The following USP13 variants were observed in gnomAD, a reference collection of about 807,000 sequenced individuals.
USP13 encodes ubiquitin specific peptidase 13.
Under a neutral mutation model 107.8 loss-of-function variants are expected in USP13, and 68 were observed. That is an observed-to-expected ratio of 0.63 (90% CI 0.52 to 0.77). The LOEUF is 0.77. Ranked by LOEUF, USP13 falls within the 30% of genes least tolerant of loss-of-function variation. USP13 has a pLI of 0.00. For synonymous variants in USP13, 377 were observed against 389.5 expected (o/e 0.97, Z 0.38); for missense variants, 945 against 1,093.3 (o/e 0.86, Z 1.91).
chr3:179,653,425 G>A lies in USP13; in HGVS notation c.168+32G>A, dbSNP rs1206285814. On this transcript the variant is annotated intron_variant, in intron 1 of 20. Transcript: ENST00000263966. The surrounding 1 kb of genome is among the most constrained non-coding windows in gnomAD (Gnocchi z 4.0). Reference sequence around the variant, plus strand: ...GAGGCGCCTCGGGGGAGGGTCGCGGGGCCGGCGGCCTGCGGCACGTGAAGC... The same window carrying A: ...GAGGCGCCTCGGGGGAGGGTCGCGGAGCCGGCGGCCTGCGGCACGTGAAGC... The A allele has an allele frequency of 6.5e-7, 1 of 1,538,330 alleles. No individual in the cohort carries two copies. Among genetic ancestry groups the A allele is most frequent in the Non-Finnish European group, 8.8e-7 (1 of 1,138,968 alleles).
chr3:179,752,650 A>G lies in USP13; in HGVS notation c.1798+277A>G, dbSNP rs141212076. Among the ~76,000 whole-genome samples the G allele has an allele frequency of 3.9e-3, 597 of 152,358 alleles. 3 individuals are homozygous for G. Among genetic ancestry groups the G allele is most frequent in the Non-Finnish European group, 6.8e-3 (461 of 68,034 alleles). ...AAATAAACAGTGCTTTCCAAACTTT[A>G]ATGTGCATATGAATTATCTGGGATC... On this transcript the variant is annotated intron_variant, in intron 14 of 20. Transcript: ENST00000263966.
intron 10 of USP13, among the ~76,000 whole-genome samples, chr3:179,731,278 G>A (rs1045138171): frequency 1.5e-4 from 23 of 152,210 alleles, no homozygotes; most frequent in Admixed American, 1.5e-3. Flanking sequence ...GGGCGTGGTG[G>A]TGCACGCCTG....
intron 19 of USP13, among the ~76,000 whole-genome samples, chr3:179,773,633 CAT>C (rs1715407140): frequency 6.6e-6 from 1 of 152,044 alleles, no homozygotes; most frequent in Non-Finnish European, 1.5e-5. Flanking sequence ...TTAAAAAACT[CAT>C]TAATTAATGA....
intron 14 of USP13, among the ~76,000 whole-genome samples, chr3:179,753,980 C>A (rs1238673507): frequency 6.6e-6 from 1 of 152,128 alleles, no homozygotes; most frequent in East Asian, 1.9e-4. Flanking sequence ...TTCTTTAAAA[C>A]TTCATTATTT....
At chr3:179,779,576 G>A (rs1324734657) in intron 19 of USP13, among the ~76,000 whole-genome samples, 1 of 151,916 alleles carries the variant, frequency 6.6e-6, no homozygotes, top group Non-Finnish European at 1.5e-5. Flanking sequence ...AGCCAGAAAG[G>A]CAGCTGCGCC....
chr3:179,724,905 A>C (rs1441407410), intron 8 of USP13, among the ~76,000 whole-genome samples: 4 of 152,186 alleles, frequency 2.6e-5, no homozygotes, highest in African/African-American at 9.7e-5. Flanking sequence ...GTACCAGCAA[A>C]GTGAACTTTT....
intron 6 of USP13, among the ~76,000 whole-genome samples, chr3:179,712,978 A>T (rs1376524030): frequency 6.6e-6 from 1 of 151,898 alleles, no homozygotes; most frequent in Admixed American, 6.6e-5. Context: ...CTTTTTTGTG[A>T]ATTTCTTAGG....
At chr3:179,715,327 C>T (rs968796923) in intron 6 of USP13, among the ~76,000 whole-genome samples, 5 of 151,560 alleles carry the variant, frequency 3.3e-5, no homozygotes, top group Admixed American at 2.6e-4. Context: ...TAAAGAGATC[C>T]TACATGCTGG....
Position 179,780,341 on chromosome 3 carries a change from C to T in USP13, c.2414-1398C>T, listed in dbSNP as rs189232090. The stretch of plus-strand genomic sequence containing the variant: ...TCATATATAGAAAGTCCAGAGGAAT[C>T]GACTAAAAAATGATTAGAACTAACA... On this transcript the variant is annotated intron_variant, in intron 19 of 20. Transcript: ENST00000263966. 5.9e-5 allele frequency among the ~76,000 whole-genome samples: 9 copies of T among 152,084 alleles called. No individual in the cohort carries two copies. In the East Asian group the frequency reaches 1.5e-3, roughly 26 times the overall value.
intron 13 of USP13, among the ~76,000 whole-genome samples, chr3:179,746,785 G>A (rs1714426585): frequency 6.6e-6 from 1 of 151,610 alleles, no homozygotes; most frequent in Admixed American, 6.6e-5. Flanking sequence ...GGCTGATCTG[G>A]AACTCCTGAC....
At chr3:179,713,373 T>C (rs1344179521) in intron 6 of USP13, among the ~76,000 whole-genome samples, 13 of 152,264 alleles carry the variant, frequency 8.5e-5, no homozygotes, top group Admixed American at 8.5e-4. Flanking sequence ...TCTATTTTGG[T>C]TTCCTTTAAA....
rs751723833 is a variant in USP13 at position 179,742,823 on chromosome 3, AG to A, written c.1534+476del. 1.1e-4 allele frequency among the ~76,000 whole-genome samples: 17 copies of A among 152,320 alleles called. No individual in the cohort carries two copies. The highest frequency in any genetic ancestry group is 2.5e-4 in the Non-Finnish European group (17 of 68,030). On this transcript the variant is annotated intron_variant, in intron 12 of 20. Transcript: ENST00000263966. The surrounding 1 kb of genome is among the most constrained non-coding windows in gnomAD (Gnocchi z 5.0). ...CCTCTTCTGGGAGATAAATTGTGTC[AG>A]GGTTCTTTGTAGAAGCAAAGCCCAT...
chr3:179,731,822 G>T, intron 10 of USP13, among the ~76,000 whole-genome samples: 1 of 152,156 alleles, frequency 6.6e-6, no homozygotes, highest in East Asian at 1.9e-4. Flanking sequence ...TGGCTTCCTA[G>T]TATCCTGTCT....
chr3:179,731,596 T>G (rs1204370858), intron 10 of USP13, among the ~76,000 whole-genome samples: 1 of 152,160 alleles, frequency 6.6e-6, no homozygotes, highest in Non-Finnish European at 1.5e-5. Context: ...AAAGATAGGC[T>G]TGATGTTTTA....
intron 4 of USP13, among the ~76,000 whole-genome samples, chr3:179,704,314 A>C (rs190757293): frequency 1.3e-4 from 20 of 152,298 alleles, no homozygotes; most frequent in Admixed American, 1.0e-3. Flanking sequence ...CGTTTAGAAA[A>C]GATCTAGTAG....
intron 8 of USP13, among the ~76,000 whole-genome samples, chr3:179,727,012 C>G (rs1436620520): frequency 6.6e-6 from 1 of 151,888 alleles, no homozygotes; most frequent in African/African-American, 2.4e-5. Context: ...TTTCTCACCT[C>G]TCAAATGAGG....
intron 14 of USP13, among the ~76,000 whole-genome samples, chr3:179,752,893 A>C (rs1714661622): frequency 6.6e-6 from 1 of 152,210 alleles, no homozygotes; most frequent in Admixed American, 6.5e-5. Context: ...TAAAGTAGAA[A>C]AAAAGCCAGT....
At position 179,752,393 on chromosome 3, in the gene USP13, T is replaced by C. The variant is rs1560074751; in HGVS notation, c.1798+20T>C. The C allele has an allele frequency of 6.3e-7, 1 of 1,589,092 alleles. No individual in the cohort carries two copies. On this transcript the variant is annotated intron_variant, in intron 14 of 20. Transcript: ENST00000263966. The stretch of plus-strand genomic sequence containing the variant: ...AATTTGGTAGGTATCTTTTGCGTGC[T>C]TTTGCTTAAAACATCAAATGAGCCA...
intron 1 of USP13, among the ~76,000 whole-genome samples, chr3:179,661,730 C>T (rs1026871778): frequency 6.6e-6 from 1 of 152,126 alleles, no homozygotes; most frequent in African/African-American, 2.4e-5. Flanking sequence ...TGTGTCCCTG[C>T]TTTGCTAAGC....
Sources: allele counts gnomAD v4.1 joint callset (sites outside exome capture counted in the v4.1 genomes callset), GRCh38; gene constraint gnomAD v4.1.1; non-coding constraint Gnocchi (gnomAD v3.1); transcripts MANE v1.5; gene names NCBI Gene and HGNC (gene_info 2026-07-23, HGNC 2026-07-21).